AGBL1: variants seen among roughly 807,000 people sequenced by gnomAD.
The protein encoded by AGBL1 is AGBL carboxypeptidase 1, also known as cytosolic carboxypeptidase 4.
In AGBL1, 130 loss-of-function variants were observed where a neutral mutation model predicts 118.9. That is an observed-to-expected ratio of 1.09 (90% CI 0.95 to 1.26). The LOEUF (loss-of-function observed/expected upper bound fraction) is 1.26, where lower values mean the gene tolerates loss of function less well. Ranked by LOEUF, AGBL1 falls within the 50% of genes most tolerant of loss-of-function variation. AGBL1 has a pLI of 0.00. For synonymous variants in AGBL1, 555 were observed against 478.9 expected (o/e 1.16, Z -2.08); for missense variants, 1,584 against 1,298.1 (o/e 1.22, Z -3.38).
intron 1 of AGBL1, among the ~76,000 whole-genome samples, chr15:86,100,781 A>G (rs1447333780): frequency 6.6e-6 from 1 of 152,002 alleles, no homozygotes; most frequent in East Asian, 1.9e-4. Context: ...TAGTCTATCT[A>G]GCAGTTTGTC....
rs59968237 is a variant in AGBL1 at position 86,298,246 on chromosome 15, AATATATATATATATATATAT to A, written c.2374+2853_2374+2872del. On this transcript the variant is annotated intron_variant, in intron 17 of 22. Transcript: ENST00000614907. ...GTATACAGGGTACGTGTCTGTGTAT[AATATATATATATATATATAT>A]ATATATATATATATGGTAACTATAT... Among the ~76,000 whole-genome samples the A allele has an allele frequency of 2.0e-4, 14 of 69,806 alleles. 1 individual carries two copies. The East Asian group carries it at 2.2e-3, about 11-fold the overall frequency. The allele number at this position is 69,806 out of a possible 152,430, so 45.8% of individuals were successfully genotyped here.
At chr15:86,567,683 T>C (rs1447797024) in intron 21 of AGBL1, among the ~76,000 whole-genome samples, 1 of 152,156 alleles carries the variant, frequency 6.6e-6, no homozygotes. Flanking sequence ...GGAGGAGGTG[T>C]CTTTCTTTCA....
At chr15:86,183,852 A>T (rs892317879) in intron 5 of AGBL1, among the ~76,000 whole-genome samples, 5 of 152,208 alleles carry the variant, frequency 3.3e-5, no homozygotes, top group Non-Finnish European at 2.9e-5. Context: ...GAACTAAAAT[A>T]TAAAAGGGTA....
chr15:86,967,033 T>C (rs1430195248), intron 23 of AGBL1, among the ~76,000 whole-genome samples: 3 of 152,186 alleles, frequency 2.0e-5, no homozygotes, highest in Non-Finnish European at 2.9e-5. Flanking sequence ...TGGTGTGAGA[T>C]GGTATGTCGT....
intron 18 of AGBL1, among the ~76,000 whole-genome samples, chr15:86,474,161 C>G (rs1173112677): frequency 4.6e-5 from 7 of 152,146 alleles, no homozygotes; most frequent in African/African-American, 1.4e-4. Context: ...ACGCAGAAGA[C>G]AGGTGATTTC....
chr15:86,153,266 G>A (rs1242360962), intron 3 of AGBL1, among the ~76,000 whole-genome samples: 1 of 152,174 alleles, frequency 6.6e-6, no homozygotes, highest in Non-Finnish European at 1.5e-5. Context: ...CAACCCAAAT[G>A]TCCAACAATG....
intron 17 of AGBL1, among the ~76,000 whole-genome samples, chr15:86,387,659 T>C (rs2081217046): frequency 6.6e-6 from 1 of 152,170 alleles, no homozygotes; most frequent in South Asian, 2.1e-4. Context: ...AGGCTGCCAA[T>C]AGAATGATCA....
chr15:86,553,428 G>T (rs1450603601), intron 20 of AGBL1, among the ~76,000 whole-genome samples: 2 of 152,104 alleles, frequency 1.3e-5, no homozygotes, highest in Non-Finnish European at 2.9e-5. Context: ...TTTACCCCAA[G>T]AAAAGGTGGA....
intron 3 of AGBL1, among the ~76,000 whole-genome samples, chr15:86,146,916 T>C (rs2077040708): frequency 6.6e-6 from 1 of 152,204 alleles, no homozygotes; most frequent in African/African-American, 2.4e-5. Context: ...GTTTTACTCA[T>C]TTCTACCTCC....
At chr15:86,147,273 T>C (rs756254851) in intron 3 of AGBL1, among the ~76,000 whole-genome samples, 1 of 152,178 alleles carries the variant, frequency 6.6e-6, no homozygotes, top group Non-Finnish European at 1.5e-5. Flanking sequence ...GGATAGTGGG[T>C]GCAGCCCATG....
intron 22 of AGBL1, among the ~76,000 whole-genome samples, chr15:86,738,897 G>T (rs941102635): frequency 2.0e-5 from 3 of 151,904 alleles, no homozygotes; most frequent in Non-Finnish European, 2.9e-5. Flanking sequence ...TCAACAGTTT[G>T]GGAGTCCAAG....
At chr15:86,744,639 G>C (rs940717632) in intron 22 of AGBL1, among the ~76,000 whole-genome samples, 29 of 152,040 alleles carry the variant, frequency 1.9e-4, no homozygotes, top group Non-Finnish European at 3.2e-4. Flanking sequence ...CCCCCAGAGG[G>C]GGGGAGGAGT....
intron 22 of AGBL1, among the ~76,000 whole-genome samples, chr15:86,797,927 A>G (rs1281410743): frequency 2.6e-5 from 4 of 152,138 alleles, no homozygotes; most frequent in Non-Finnish European, 4.4e-5. Flanking sequence ...TGTATTTGTC[A>G]GGGTTTTAGT....
chr15:86,320,232 C>T (rs765127360), intron 17 of AGBL1, among the ~76,000 whole-genome samples: 1 of 152,098 alleles, frequency 6.6e-6, no homozygotes, highest in Non-Finnish European at 1.5e-5. Flanking sequence ...TCTAATGCTC[C>T]TCTCCAAGGT....
Position 86,613,265 on chromosome 15 carries a change from T to C in AGBL1, c.2994+58728T>C, listed in dbSNP as rs917815760. Reference sequence around the variant, plus strand: ...CGAGAGGTTTGTTGGTTTTGGAACGTAAGATCCCAAACCATTGGAGAACTG... The same window carrying C: ...CGAGAGGTTTGTTGGTTTTGGAACGCAAGATCCCAAACCATTGGAGAACTG... On this transcript the variant is annotated intron_variant, in intron 21 of 22. Transcript: ENST00000614907. This position sits in a 1 kb window ranked among gnomAD's most constrained non-coding sequence, Gnocchi z 4.2. Among the ~76,000 whole-genome samples, 2 of 152,170 alleles carry C rather than the reference T, an allele frequency of 1.3e-5. No homozygotes were observed. The highest frequency in any genetic ancestry group is 2.9e-5 in the Non-Finnish European group (2 of 68,024).
At chr15:86,590,622 T>G (rs193177873) in intron 21 of AGBL1, among the ~76,000 whole-genome samples, 382 of 152,318 alleles carry the variant, frequency 2.5e-3, no homozygotes, top group Non-Finnish European at 3.6e-3. Flanking sequence ...GTTATGTAGA[T>G]GAAACCTCAC....
chr15:86,101,141 C>T (rs986222120), intron 1 of AGBL1, among the ~76,000 whole-genome samples: 2 of 151,968 alleles, frequency 1.3e-5, no homozygotes, highest in Non-Finnish European at 2.9e-5. Context: ...ATCAGGATCA[C>T]GTTTAATTTC....
intron 22 of AGBL1, among the ~76,000 whole-genome samples, chr15:86,753,854 A>T: frequency 6.6e-6 from 1 of 152,116 alleles, no homozygotes; most frequent in East Asian, 1.9e-4. Flanking sequence ...GCTTAGATGC[A>T]GGTCTCCCTC....
At chr15:86,242,311 T>C (rs2078653507) in intron 6 of AGBL1, among the ~76,000 whole-genome samples, 1 of 152,172 alleles carries the variant, frequency 6.6e-6, no homozygotes, top group South Asian at 2.1e-4. Context: ...ATGATGATAG[T>C]TACCACAGGC....
Sources: gnomAD v4.1 joint callset for allele counts (sites outside exome capture counted in the v4.1 genomes callset) on GRCh38, gnomAD v4.1.1 for gene constraint, Gnocchi (gnomAD v3.1) non-coding constraint, MANE v1.5 for transcripts, NCBI Gene and HGNC (gene_info 2026-07-23, HGNC 2026-07-21) for gene names.